Variants in TAFA2 observed in about 807,000 individuals in gnomAD.
TAFA2 encodes chemokine-like protein TAFA-2.
TAFA2 carries 7 observed loss-of-function variants against 18.8 expected under a neutral mutation model. The ratio of observed to expected loss-of-function variants is 0.37; its 90% CI spans 0.21 to 0.70. TAFA2 has a LOEUF of 0.70. TAFA2 is among the 30% of genes least tolerant of loss of function. TAFA2 has a pLI of 0.53. For synonymous variants in TAFA2, 60 were observed against 54.2 expected (o/e 1.11, Z -0.47); for missense variants, 122 against 158.1 (o/e 0.77, Z 1.23).
chr12:61,785,358 T>C (rs906252126), intron 2 of TAFA2, among the ~76,000 whole-genome samples: 31 of 147,888 alleles, frequency 2.1e-4, no homozygotes, highest in African/African-American at 7.5e-4. Flanking sequence ...TGTGTGTGTG[T>C]GTTTGTGTGT....
intron 1 of TAFA2, among the ~76,000 whole-genome samples, chr12:62,172,005 A>G (rs1253448376): frequency 6.6e-6 from 1 of 152,258 alleles, no homozygotes; most frequent in Non-Finnish European, 1.5e-5. Flanking sequence ...GAAAATGGTC[A>G]GAGTGTATCT....
intron 1 of TAFA2, among the ~76,000 whole-genome samples, chr12:62,184,173 A>G (rs1030586133): frequency 4.6e-5 from 7 of 152,234 alleles, no homozygotes; most frequent in Non-Finnish European, 8.8e-5. Flanking sequence ...AAATGACGGA[A>G]GGAGCAAACA....
At chr12:61,745,955 G>T (rs772616980) in intron 4 of TAFA2, among the ~76,000 whole-genome samples, 7 of 152,080 alleles carry the variant, frequency 4.6e-5, no homozygotes, top group Non-Finnish European at 8.8e-5. Flanking sequence ...ACATGCCATT[G>T]CTGGTTTGAG....
chr12:61,802,346 T>C (rs1871433400), intron 2 of TAFA2, among the ~76,000 whole-genome samples: 1 of 151,866 alleles, frequency 6.6e-6, no homozygotes, highest in South Asian at 2.1e-4. Flanking sequence ...AGCCAAGATA[T>C]GGAATCAACA....
intron 1 of TAFA2, among the ~76,000 whole-genome samples, chr12:62,134,602 A>T (rs1050077418): frequency 2.0e-5 from 3 of 150,860 alleles, no homozygotes; most frequent in Non-Finnish European, 3.0e-5. Flanking sequence ...GATAGATATC[A>T]ATAGCACTTG....
At chr12:62,009,143 A>C (rs1238122301) in intron 1 of TAFA2, among the ~76,000 whole-genome samples, 1 of 152,214 alleles carries the variant, frequency 6.6e-6, no homozygotes, top group East Asian at 1.9e-4. Flanking sequence ...CATATTAAAC[A>C]CATAATTTCA....
intron 4 of TAFA2, among the ~76,000 whole-genome samples, chr12:61,729,637 T>C (rs1870344523): frequency 6.6e-6 from 1 of 151,820 alleles, no homozygotes; most frequent in African/African-American, 2.4e-5. Context: ...TGTATTATTT[T>C]TTAAATTTCT....
At chr12:62,096,199 C>T (rs1240171532) in intron 1 of TAFA2, among the ~76,000 whole-genome samples, 1 of 152,042 alleles carries the variant, frequency 6.6e-6, no homozygotes, top group Non-Finnish European at 1.5e-5. Flanking sequence ...AGCCCAACTC[C>T]CCTGCTGGAT....
intron 1 of TAFA2, among the ~76,000 whole-genome samples, chr12:61,907,281 C>T (rs1294887901): frequency 6.6e-6 from 1 of 152,188 alleles, no homozygotes; most frequent in Non-Finnish European, 1.5e-5. Context: ...GGGCTGGGCC[C>T]AGTGCCCTAC....
At chr12:61,740,305 G>T (rs1191311373) in intron 4 of TAFA2, among the ~76,000 whole-genome samples, 1 of 151,962 alleles carries the variant, frequency 6.6e-6, no homozygotes, top group Non-Finnish European at 1.5e-5. Flanking sequence ...ACAGGGGTGG[G>T]GGGGAATATC....
At chr12:61,743,252 TCTG>T (rs1868540927) in intron 4 of TAFA2, among the ~76,000 whole-genome samples, 1 of 152,046 alleles carries the variant, frequency 6.6e-6, no homozygotes, top group Non-Finnish European at 1.5e-5. Flanking sequence ...TCTGCGAATT[TCTG>T]TTCATCCCTT....
intron 1 of TAFA2, among the ~76,000 whole-genome samples, chr12:62,024,282 G>A (rs1036802194): frequency 6.6e-6 from 1 of 152,092 alleles, no homozygotes; most frequent in South Asian, 2.1e-4. Flanking sequence ...CCTGACTGTA[G>A]TATATTAATA....
At chr12:61,978,740 A>T (rs1259546873) in intron 1 of TAFA2, among the ~76,000 whole-genome samples, 1 of 152,232 alleles carries the variant, frequency 6.6e-6, no homozygotes, top group East Asian at 1.9e-4. Context: ...CAAGAAATTG[A>T]CATTTGACAA....
chr12:61,992,057 C>G (rs951729302), intron 1 of TAFA2, among the ~76,000 whole-genome samples: 1 of 152,140 alleles, frequency 6.6e-6, no homozygotes, highest in Non-Finnish European at 1.5e-5. Context: ...CCTCTGGTGT[C>G]TCTCTACTAA....
At chr12:62,006,382 T>C (rs956119881) in intron 1 of TAFA2, among the ~76,000 whole-genome samples, 10 of 121,332 alleles carry the variant, frequency 8.2e-5, no homozygotes, top group Non-Finnish European at 1.5e-4. Context: ...AAATTTCACG[T>C]GGATAGCAGA....
chr12:61,898,678 A>AT (rs1413762573), intron 1 of TAFA2, among the ~76,000 whole-genome samples: 1 of 152,000 alleles, frequency 6.6e-6, no homozygotes, highest in Admixed American at 6.6e-5. Context: ...CCATGAAGCC[A>AT]TTTTTTCCTC....
chr12:61,796,515 G>C (rs1219650751), intron 2 of TAFA2, among the ~76,000 whole-genome samples: 1 of 152,018 alleles, frequency 6.6e-6, no homozygotes, highest in Non-Finnish European at 1.5e-5. Flanking sequence ...ACAAATCAAT[G>C]GTTGCCCGTG....
At chr12:62,058,853 C>T (rs959627859) in intron 1 of TAFA2, among the ~76,000 whole-genome samples, 1 of 152,162 alleles carries the variant, frequency 6.6e-6, no homozygotes, top group African/African-American at 2.4e-5. Flanking sequence ...CCTGTAATCC[C>T]AGCACTTTGG....
chr12:61,719,225 T>C (rs1332954987), intron 4 of TAFA2, among the ~76,000 whole-genome samples: 1 of 152,118 alleles, frequency 6.6e-6, no homozygotes, highest in African/African-American at 2.4e-5. Context: ...TCCCCAAAAC[T>C]CAACCGCCTT....
Sources: gnomAD v4.1 joint callset for allele counts (sites outside exome capture counted in the v4.1 genomes callset) on GRCh38, gnomAD v4.1.1 for gene constraint, MANE v1.5 for transcripts, NCBI Gene and HGNC (gene_info 2026-07-23, HGNC 2026-07-21) for gene names.